The following TFEC variants were observed in gnomAD, a reference collection of about 807,000 sequenced individuals.
The protein encoded by TFEC is class E basic helix-loop-helix protein 34.
A neutral mutation model predicts 41.6 loss-of-function variants in TFEC; 31 were observed. That is an observed-to-expected ratio of 0.74 (90% CI 0.56 to 1.01). TFEC has a LOEUF of 1.01. Among genes scored for constraint, TFEC ranks in the 50% least tolerant of loss-of-function variants. The pLI is 0.00. For synonymous variants in TFEC, 143 were observed against 140.6 expected (o/e 1.02, Z -0.12); for missense variants, 402 against 404.1 (o/e 0.99, Z 0.04).
intron 3 of TFEC, among the ~76,000 whole-genome samples, chr7:116,068,566 G>C (rs1305128679): frequency 1.3e-5 from 2 of 151,436 alleles, no homozygotes; most frequent in African/African-American, 4.8e-5. Context: ...TTTTTCAACA[G>C]TTTGAAGACT....
chr7:115,992,250 A>G (rs1481321944), intron 1 of TFEC, among the ~76,000 whole-genome samples: 1 of 152,230 alleles, frequency 6.6e-6, no homozygotes, highest in Non-Finnish European at 1.5e-5. Context: ...CACAAGAGAG[A>G]GCAGGAAAGA....
At chr7:116,111,205 A>G (rs1797848379) in intron 2 of TFEC, among the ~76,000 whole-genome samples, 1 of 152,048 alleles carries the variant, frequency 6.6e-6, no homozygotes. Flanking sequence ...GAGCAAAGCC[A>G]GGTACCAGTC....
chr7:116,101,761 A>G (rs1196982598), intron 3 of TFEC, among the ~76,000 whole-genome samples: 2 of 152,210 alleles, frequency 1.3e-5, no homozygotes, highest in African/African-American at 4.8e-5. Flanking sequence ...TCTCAAAATT[A>G]GAAAATGCTT....
At chr7:115,960,556 T>C (rs1792487321) in intron 3 of TFEC, among the ~76,000 whole-genome samples, 1 of 151,628 alleles carries the variant, frequency 6.6e-6, no homozygotes, top group African/African-American at 2.4e-5. Flanking sequence ...ATCCAGATAA[T>C]ATCAGCACAA....
In TFEC at chr7:115,992,066, A is replaced by T. The variant is rs143221250; in HGVS notation, c.-72-7553T>A. On this transcript the variant is annotated intron_variant, in intron 1 of 7. Coordinates refer to ENST00000265440, the MANE Select transcript of TFEC (RefSeq NM_012252.4). ...GATTAAGAAACTCACTCAAAACCACACAACTACATGGAAACTGAACAACCT... is the reference window on the plus strand; with the variant it reads ...GATTAAGAAACTCACTCAAAACCACTCAACTACATGGAAACTGAACAACCT... Among the ~76,000 whole-genome samples, 55 of 152,218 alleles carry T rather than the reference A, an allele frequency of 3.6e-4. 1 individual carries two copies. The East Asian group carries it at 0.01, about 28-fold the overall frequency.
chr7:116,067,394 C>A (rs1050167523), intron 3 of TFEC, among the ~76,000 whole-genome samples: 11 of 151,936 alleles, frequency 7.2e-5, no homozygotes, highest in Non-Finnish European at 1.0e-4. Context: ...GAGATGTTGA[C>A]CATTCTTGGC....
At chr7:116,032,248 A>G (rs529785041), upstream of TFEC, among the ~76,000 whole-genome samples, 2 of 152,094 alleles carry the variant, frequency 1.3e-5, no homozygotes, top group Non-Finnish European at 2.9e-5. Flanking sequence ...ATTTTTATCT[A>G]TTGCTTCTAT....
At chr7:116,096,031 T>A (rs982671908) in intron 3 of TFEC, among the ~76,000 whole-genome samples, 1 of 152,230 alleles carries the variant, frequency 6.6e-6, no homozygotes, top group Non-Finnish European at 1.5e-5. Context: ...CTACCACTTT[T>A]CCATTGTAAT....
Position 115,984,285 on chromosome 7 carries a change from C to T in TFEC, c.157G>A (p.Glu53Lys), listed in dbSNP as rs1562911248. ...ACATGCCATTGTGCATTGTCATCTTCTTTCCCAATAGCTAGTAACTTGGTG... is the reference window on the plus strand; with the variant it reads ...ACATGCCATTGTGCATTGTCATCTTTTTTCCCAATAGCTAGTAACTTGGTG... ...PLTKLLAIGK[E>K]DDNAQWHMED... Residue 53 changes from glutamate to lysine, a missense_variant, in exon 2 of 8, where the codon GAA (glutamate) becomes AAA (lysine). By Grantham distance (56) the Glu-to-Lys change is moderately conservative. Transcript: ENST00000265440. 1 of 1,614,074 alleles carries T rather than the reference C, an allele frequency of 6.2e-7. No homozygotes were observed. Among genetic ancestry groups the T allele is most frequent in the South Asian group, 1.1e-5 (1 of 91,086 alleles).
chr7:116,008,841 A>G (rs1028317032), intron 1 of TFEC, among the ~76,000 whole-genome samples: 7 of 152,196 alleles, frequency 4.6e-5, no homozygotes, highest in Admixed American at 1.3e-4. Flanking sequence ...AACTGTCAGC[A>G]TATTTCAGCT....
chr7:116,051,685 C>G (rs890199409), intron 3 of TFEC, among the ~76,000 whole-genome samples: 1 of 152,048 alleles, frequency 6.6e-6, no homozygotes, highest in Non-Finnish European at 1.5e-5. Flanking sequence ...TTAGCATAAT[C>G]TAGATCTATT....
chr7:116,149,357 A>C (rs1382098008), intron 1 of TFEC, among the ~76,000 whole-genome samples: 1 of 152,310 alleles, frequency 6.6e-6, no homozygotes, highest in South Asian at 2.1e-4. Context: ...TAAATTTGAA[A>C]GCCCAAGTGA....
At position 115,938,698 on chromosome 7, in the gene TFEC, T is replaced by A. The variant is rs1339237669; in HGVS notation, c.*1853A>T. 3.3e-5 allele frequency: 5 copies of A among 151,928 alleles called. No individual in the cohort carries two copies. Among genetic ancestry groups the A allele is most frequent in the Non-Finnish European group, 7.4e-5 (5 of 67,920 alleles). 9.4% of individuals were successfully genotyped at this position (151,928 alleles called of 1,614,324 possible). ...TTCCATGTGAGAAGCAACTAAAAGA[T>A]CCTTTCAAAATTTATCCCAAAGCTT... is the stretch of plus-strand genomic sequence containing the variant. On this transcript the variant is annotated 3_prime_UTR_variant, in exon 8 of 8. Transcript: ENST00000265440.
chr7:116,112,464 C>T (rs1797876859), intron 1 of TFEC, among the ~76,000 whole-genome samples: 1 of 151,962 alleles, frequency 6.6e-6, no homozygotes, highest in African/African-American at 2.4e-5. Context: ...ATCATTAGAA[C>T]TAGTACAGCC....
chr7:116,081,707 G>C (rs1042279001), intron 3 of TFEC, among the ~76,000 whole-genome samples: 14 of 152,024 alleles, frequency 9.2e-5, no homozygotes, highest in Admixed American at 6.6e-5. Context: ...CAGATATGAG[G>C]TATTTTTCAA....
chr7:116,149,044 G>C (rs966819723), intron 1 of TFEC, among the ~76,000 whole-genome samples: 11 of 152,072 alleles, frequency 7.2e-5, no homozygotes, highest in African/African-American at 2.4e-4. Context: ...TAAAATCTTT[G>C]AAACTGACAA....
intron 3 of TFEC, among the ~76,000 whole-genome samples, chr7:116,069,692 T>C (rs894534736): frequency 2.0e-5 from 3 of 151,754 alleles, no homozygotes; most frequent in African/African-American, 7.2e-5. Context: ...AGTTGAGCAA[T>C]CTTCCCACTT....
intron 1 of TFEC, among the ~76,000 whole-genome samples, chr7:116,020,445 T>C (rs1795351734): frequency 6.6e-6 from 1 of 152,164 alleles, no homozygotes; most frequent in Non-Finnish European, 1.5e-5. Flanking sequence ...ATAATGTAAA[T>C]AACACATAAA....
At chr7:115,943,223 G>A (rs1793595780) in intron 6 of TFEC, among the ~76,000 whole-genome samples, 2 of 151,920 alleles carry the variant, frequency 1.3e-5, no homozygotes, top group South Asian at 4.1e-4. Context: ...TCCACTCACA[G>A]GGGGTGAGGG....
Sources: gnomAD v4.1 joint callset for allele counts (sites outside exome capture counted in the v4.1 genomes callset) on GRCh38, gnomAD v4.1.1 for gene constraint, MANE v1.5 for transcripts, NCBI Gene and HGNC (gene_info 2026-07-23, HGNC 2026-07-21) for gene names.